FAT1: variants seen among roughly 807,000 people sequenced by gnomAD.
FAT1 encodes the protein protocadherin Fat 1.
Under a neutral mutation model 329.8 loss-of-function variants are expected in FAT1, and 171 were observed. The observed-to-expected ratio is 0.52, with a 90% confidence interval of 0.46 to 0.59. FAT1 has a LOEUF of 0.59. Ranked by LOEUF, FAT1 falls within the 20% of genes least tolerant of loss-of-function variation. FAT1 has a pLI of 0.00. For missense variants in FAT1, 5,672 were observed against 5,774.4 expected (o/e 0.98, Z 0.57); for synonymous variants, 2,233 against 2,228.6 (o/e 1.00, Z -0.06).
Position 186,619,399 on chromosome 4 carries a change from T to C in FAT1, c.7187A>G (p.Glu2396Gly), listed in dbSNP as rs2126505172. 1 of 1,614,010 alleles carries C rather than the reference T, an allele frequency of 6.2e-7. No homozygotes were observed. Among genetic ancestry groups the C allele is most frequent in the Non-Finnish European group, 8.5e-7 (1 of 1,179,880 alleles). The change falls in exon 10 of 27, where the codon GAA becomes GGA. Residue 2396 changes from glutamate to glycine, a missense_variant. Transcript: ENST00000441802. ...NPPLFEQQIYEARISEHAPHG... is the reference protein window; with the variant it reads ...NPPLFEQQIYGARISEHAPHG... ...AGGGGCGTGCTCGCTAATTCTGGCTTCATAAATCTGTTGTTCAAAGAGTGG... is the reference window on the plus strand; with the variant it reads ...AGGGGCGTGCTCGCTAATTCTGGCTCCATAAATCTGTTGTTCAAAGAGTGG...
At chr4:186,711,087 TGC>T (rs1429029323) in intron 1 of FAT1, among the ~76,000 whole-genome samples, 1 of 152,230 alleles carries the variant, frequency 6.6e-6, no homozygotes, top group African/African-American at 2.4e-5. Flanking sequence ...AAAATGTGAA[TGC>T]TACCAGAGGT....
intron 11 of FAT1, among the ~76,000 whole-genome samples, chr4:186,616,125 G>T (rs1739697781): frequency 6.6e-6 from 1 of 151,822 alleles, no homozygotes; most frequent in South Asian, 2.1e-4. Context: ...GCCTTTCCAG[G>T]GCCCCCTTGC....
intron 10 of FAT1, among the ~76,000 whole-genome samples, chr4:186,617,490 C>A (rs1429978165): frequency 6.6e-6 from 1 of 152,086 alleles, no homozygotes; most frequent in African/African-American, 2.4e-5. Flanking sequence ...GAATGAGTCA[C>A]AAAAATCAAA....
chr4:186,613,038 GGT>G, intron 13 of FAT1, 69 bp downstream of exon 13: 2 of 984,316 alleles, frequency 2.0e-6, no homozygotes, highest in South Asian at 2.8e-5. Flanking sequence ...CTGAATCTGG[GGT>G]GTGTTTTGAA....
chr4:186,700,359 A>G (rs779652417), intron 2 of FAT1, among the ~76,000 whole-genome samples: 88 of 152,206 alleles, frequency 5.8e-4, no homozygotes, highest in Non-Finnish European at 1.0e-3. Context: ...TCAATGGCCA[A>G]TGAGACAAGG....
In FAT1 at chr4:186,628,764, C is replaced by T; in HGVS notation, c.4324-1G>A. 6.2e-7 allele frequency: 1 copy of T among 1,610,526 alleles called. No individual in the cohort carries two copies. Among genetic ancestry groups the T allele is most frequent in the Non-Finnish European group, 8.5e-7 (1 of 1,178,720 alleles). On this transcript the variant is annotated splice_acceptor_variant, in intron 7 of 26. Coordinates refer to ENST00000441802, the MANE Select transcript of FAT1 (RefSeq NM_005245.4). LOFTEE classifies it high-confidence loss of function. ...TTGTGTCTATTACTTTGATGAATAC[C>T]TGTAATGGATGACAAAATGACTCAT...
intron 20 of FAT1, among the ~76,000 whole-genome samples, chr4:186,602,186 T>C (rs1361720950): frequency 6.6e-6 from 1 of 152,202 alleles, no homozygotes; most frequent in Non-Finnish European, 1.5e-5. Context: ...ATTTGTTTTA[T>C]AATCGAAAAT....
chr4:186,614,182 C>T lies in FAT1; in HGVS notation c.9229+9G>A. ...ATACAATTTATTTTGTCCCAAACTC[C>T]ATCATTACCTGTGTCTGGATTTAGT... On this transcript the variant is annotated intron_variant, in intron 12 of 26. Coordinates refer to ENST00000441802, the MANE Select transcript of FAT1 (RefSeq NM_005245.4). 1 of 1,587,242 alleles carries T rather than the reference C, an allele frequency of 6.3e-7. No individual in the cohort carries two copies.
In FAT1 at chr4:186,589,274, A is replaced by G; in HGVS notation, c.13139-54T>C. On this transcript the variant is annotated intron_variant, in intron 26 of 26. Transcript: ENST00000441802. ...GTGTTTTCTCCTAAGCTTTTGTGCC[A>G]TGGAAAGAGAGCTCAGTGTATCAAA... 4.6e-6 allele frequency: 7 copies of G among 1,526,556 alleles called. No homozygotes were observed. In the South Asian group the frequency reaches 7.8e-5, roughly 17 times the overall value. 94.6% of individuals were successfully genotyped at this position (1,526,556 alleles called of 1,614,324 possible). A position where few individuals can be genotyped will look rare whatever the true frequency, so the allele number is the denominator to read the frequency against.
chr4:186,713,265 C>T (rs1561014930), intron 1 of FAT1, among the ~76,000 whole-genome samples: 1 of 152,044 alleles, frequency 6.6e-6, no homozygotes, highest in Non-Finnish European at 1.5e-5. Context: ...TCAGATTTTC[C>T]TTGCTTTTAA....
intron 2 of FAT1, among the ~76,000 whole-genome samples, chr4:186,695,915 TG>T (rs1744010082): frequency 6.6e-6 from 1 of 152,040 alleles, no homozygotes; most frequent in Admixed American, 6.6e-5. Flanking sequence ...CCTCAGCCTC[TG>T]GAGCAGCTGA....
Position 186,620,798 on chromosome 4 carries a change from C to G in FAT1, c.5788G>C (p.Asp1930His), listed in dbSNP as rs748622474. 23 of 1,613,844 alleles carry G rather than the reference C, an allele frequency of 1.4e-5. No homozygotes were observed. The highest frequency in any genetic ancestry group is 5.0e-5 in the Admixed American group (3 of 59,990). ...EGNIGEKFSM[D>H]YKTGALTVQN... ...ACAGTGAGAGCACCAGTCTTGTAGT[C>G]CATAGAAAACTTCTCCCCGATGTTG... Residue 1930 changes from aspartate to histidine, a missense_variant, in exon 10 of 27, where the codon GAC (aspartate) becomes CAC (histidine). Physicochemically the swap from Asp to His is moderately conservative, Grantham distance 81. Around this residue, in one of 2 missense-constraint regions of FAT1, gnomAD observed 3,966 missense variants for 3,915.2 expected, o/e 1.01. Transcript: ENST00000441802.
Position 186,594,759 on chromosome 4 carries a change from C to A in FAT1, c.13138+930G>T, listed in dbSNP as rs141370961. 4.0e-4 allele frequency among the ~76,000 whole-genome samples: 59 copies of A among 146,096 alleles called. 1 individual carries two copies. Among genetic ancestry groups the A allele is most frequent in the Admixed American group, 4.0e-3 (59 of 14,670 alleles). On this transcript the variant is annotated intron_variant, in intron 26 of 26. Transcript: ENST00000441802. The stretch of plus-strand genomic sequence containing the variant: ...CTATCTTTAGTTTGAAAAATGACTG[C>A]AATAGATAATGACTATATGGATTTA...
intron 6 of FAT1, among the ~76,000 whole-genome samples, chr4:186,634,372 CTATTAA>C (rs1560954189): frequency 6.6e-6 from 1 of 152,008 alleles, no homozygotes; most frequent in East Asian, 1.9e-4. Context: ...AGTTTCTATC[CTATTAA>C]TATTATCCAA....
chr4:186,690,817 A>G (rs886549455), intron 2 of FAT1, among the ~76,000 whole-genome samples: 12 of 152,222 alleles, frequency 7.9e-5, no homozygotes, highest in Admixed American at 2.0e-4. Flanking sequence ...AATTTGCTGT[A>G]AGGGTGGAAT....
intron 3 of FAT1, among the ~76,000 whole-genome samples, chr4:186,642,113 G>A (rs1039168486): frequency 6.6e-6 from 1 of 151,952 alleles, no homozygotes; most frequent in African/African-American, 2.4e-5. Context: ...ATTCTCCTCC[G>A]TTAACTCAGA....
chr4:186,692,478 AATTT>A (rs2126661979), intron 2 of FAT1, among the ~76,000 whole-genome samples: 1 of 151,926 alleles, frequency 6.6e-6, no homozygotes, highest in South Asian at 2.1e-4. Context: ...ACGCCCGGCT[AATTT>A]TTTGTATTTT....
At chr4:186,652,862 T>C (rs960337121) in intron 3 of FAT1, among the ~76,000 whole-genome samples, 2 of 152,206 alleles carry the variant, frequency 1.3e-5, no homozygotes, top group Non-Finnish European at 2.9e-5. Flanking sequence ...GAGCACCCAG[T>C]ATACCTACCA....
In FAT1 at chr4:186,596,267, T is replaced by C. The variant is rs996630287; in HGVS notation, c.13000+273A>G. Among the ~76,000 whole-genome samples, 8 of 152,214 alleles carry C rather than the reference T, an allele frequency of 5.3e-5. No homozygotes were observed. Among genetic ancestry groups the C allele is most frequent in the African/African-American group, 1.2e-4 (5 of 41,456 alleles). On this transcript the variant is annotated intron_variant, in intron 25 of 26. Transcript: ENST00000441802. The surrounding 1 kb of genome is among the most constrained non-coding windows in gnomAD (Gnocchi z 4.7). Reference sequence around the variant, plus strand: ...ACATATTAATAAACTCAAAAAATTATAGATGAGAACCTTTATCAATTATAA... The same window carrying C: ...ACATATTAATAAACTCAAAAAATTACAGATGAGAACCTTTATCAATTATAA...
Sources: gnomAD v4.1 joint callset for allele counts (sites outside exome capture counted in the v4.1 genomes callset) on GRCh38, gnomAD v4.1.1 for gene constraint, gnomAD v4.1.1 regional missense constraint, Gnocchi (gnomAD v3.1) non-coding constraint, MANE v1.5 for transcripts, NCBI Gene and HGNC (gene_info 2026-07-23, HGNC 2026-07-21) for gene names.